Variants in SEMA3C observed in about 807,000 individuals in gnomAD.
SEMA3C encodes semaphorin-3C.
A neutral mutation model predicts 89.4 loss-of-function variants in SEMA3C; 47 were observed. That is an observed-to-expected ratio of 0.53 (90% CI 0.42 to 0.67). The LOEUF (loss-of-function observed/expected upper bound fraction) is 0.67. Among genes scored for constraint, SEMA3C ranks in the 30% least tolerant of loss-of-function variants. The pLI, the probability that SEMA3C is intolerant of heterozygous loss-of-function variation, is 0.00. For missense variants in SEMA3C, 839 were observed against 929.1 expected (o/e 0.90, Z 1.26); for synonymous variants, 310 against 320.2 (o/e 0.97, Z 0.34).
intron 17 of SEMA3C, 39 bp downstream of exon 17, chr7:80,748,859 T>C (rs2886793): frequency 0.99 from 1,559,148 of 1,575,270 alleles, 772,989 homozygotes; most frequent in East Asian, 1. Context: ...ATGTTCTCTC[T>C]GAAGCCCTGA....
chr7:80,754,672 A>G (rs886880393), intron 15 of SEMA3C, among the ~76,000 whole-genome samples: 2 of 152,192 alleles, frequency 1.3e-5, no homozygotes, highest in Admixed American at 6.5e-5. Flanking sequence ...CTAGTCAAAG[A>G]TAAATACGGG....
At chr7:80,760,576 T>G (rs1583851462) in intron 14 of SEMA3C, among the ~76,000 whole-genome samples, 1 of 152,072 alleles carries the variant, frequency 6.6e-6, no homozygotes, top group Admixed American at 6.5e-5. Flanking sequence ...GTCAAAAGAG[T>G]GTAAGACTGA....
intron 2 of SEMA3C, among the ~76,000 whole-genome samples, chr7:80,840,904 CTT>C (rs1301610479): frequency 6.6e-6 from 1 of 152,122 alleles, no homozygotes; most frequent in Non-Finnish European, 1.5e-5. Context: ...ATCATGTAAA[CTT>C]TGACCTGAAG....
chr7:80,827,981 C>G (rs1789916018), intron 3 of SEMA3C, among the ~76,000 whole-genome samples: 2 of 145,424 alleles, frequency 1.4e-5, no homozygotes, highest in Admixed American at 1.4e-4. Flanking sequence ...CTCTGAAATA[C>G]TGTGCTAGTA....
chr7:80,756,676 TTTC>T (rs1303627777), intron 15 of SEMA3C, among the ~76,000 whole-genome samples: 1 of 152,194 alleles, frequency 6.6e-6, no homozygotes, highest in Non-Finnish European at 1.5e-5. Flanking sequence ...TTTAGGGCTG[TTTC>T]TTGAGCAATC....
chr7:80,785,513 C>T (rs915135449), intron 12 of SEMA3C, among the ~76,000 whole-genome samples: 2 of 152,130 alleles, frequency 1.3e-5, no homozygotes, highest in Non-Finnish European at 2.9e-5. Flanking sequence ...TTTCTCCTTC[C>T]CAAGACAGTT....
intron 2 of SEMA3C, among the ~76,000 whole-genome samples, chr7:80,876,218 ATTC>A (rs1027723022): frequency 3.3e-5 from 5 of 152,188 alleles, no homozygotes; most frequent in Non-Finnish European, 5.9e-5. Flanking sequence ...AATTTTAGAT[ATTC>A]TTATATTATC....
chr7:80,892,362 ATTTC>A (rs1233706746), intron 2 of SEMA3C, among the ~76,000 whole-genome samples: 12 of 152,098 alleles, frequency 7.9e-5, no homozygotes, highest in African/African-American at 2.7e-4. Context: ...GTCAGTAGGA[ATTTC>A]TTTGTTTTTT....
chr7:80,778,059 T>C (rs1788591756), intron 12 of SEMA3C, among the ~76,000 whole-genome samples: 1 of 152,128 alleles, frequency 6.6e-6, no homozygotes, highest in African/African-American at 2.4e-5. Context: ...ATTTTCTCTG[T>C]GAGGGTTAAA....
intron 2 of SEMA3C, among the ~76,000 whole-genome samples, chr7:80,879,070 C>A (rs972030382): frequency 1.3e-5 from 2 of 151,882 alleles, no homozygotes; most frequent in African/African-American, 4.8e-5. Context: ...TGGTGAAGAA[C>A]CCCAATTGTA....
At position 80,761,656 on chromosome 7, in the gene SEMA3C, T is replaced by C. The variant is rs755166857; in HGVS notation, c.1445A>G (p.Asn482Ser). The stretch of plus-strand genomic sequence containing the variant: ...TTTCATTGTTGTTATAGGAGCATGA[T>C]TCTAAAATATTAGAAAACAACATGT... Reference protein sequence around the residue: ...LILEELEVFKNHAPITTMKIS... With the variant: ...LILEELEVFKSHAPITTMKIS... The change falls in exon 14 of 18, where the codon AAT becomes AGT. Residue 482 changes from asparagine to serine, a missense_variant and splice_region_variant. Transcript: ENST00000265361. The C allele has an allele frequency of 2.3e-6, 3 of 1,331,108 alleles. No individual in the cohort carries two copies. The highest frequency in any genetic ancestry group is 3.1e-6 in the Non-Finnish European group (3 of 968,730). 82.5% of individuals were successfully genotyped at this position (1,331,108 alleles called of 1,614,324 possible). A position where few individuals can be genotyped will look rare whatever the true frequency, so the allele number is the denominator to read the frequency against.
rs375867861 is a variant in SEMA3C, at chr7:80,818,592, GA to G, written c.328-175del. 2.6e-3 allele frequency among the ~76,000 whole-genome samples: 390 copies of G among 152,062 alleles called. 1 individual carries two copies. Among genetic ancestry groups the G allele is most frequent in the African/African-American group, 8.9e-3 (368 of 41,492 alleles). On this transcript the variant is annotated intron_variant, in intron 4 of 17. Transcript: ENST00000265361. ...GCTTCCCTAGGCCACACTGGAAGAA[GA>G]ATTGTCTTGGGCCACACATAAAATA...
intron 5 of SEMA3C, among the ~76,000 whole-genome samples, chr7:80,814,091 C>CTTTTTTTT (rs543351408): frequency 3.2e-5 from 4 of 126,258 alleles, no homozygotes; most frequent in Non-Finnish European, 5.0e-5. Flanking sequence ...TTTCTTTTTT[C>CTTTTTTTT]TTTTTTTTTT....
intron 11 of SEMA3C, among the ~76,000 whole-genome samples, chr7:80,791,885 T>G (rs1249772970): frequency 1.3e-5 from 2 of 152,202 alleles, no homozygotes; most frequent in African/African-American, 4.8e-5. Flanking sequence ...TTACTAATAT[T>G]ATCTCACTCA....
At chr7:80,754,639 T>C (rs1458536694) in intron 15 of SEMA3C, among the ~76,000 whole-genome samples, 1 of 152,214 alleles carries the variant, frequency 6.6e-6, no homozygotes, top group Non-Finnish European at 1.5e-5. Context: ...ACCGTAGATA[T>C]TTTTAGTGAA....
At chr7:80,868,409 A>G (rs938059440) in intron 2 of SEMA3C, among the ~76,000 whole-genome samples, 6 of 152,074 alleles carry the variant, frequency 3.9e-5, no homozygotes, top group African/African-American at 1.2e-4. Flanking sequence ...CTGGGACTGT[A>G]GACATGAGCC....
chr7:80,748,986 T>C lies in SEMA3C; in HGVS notation c.1754A>G (p.Asn585Ser). 6.2e-7 allele frequency: 1 copy of C among 1,613,308 alleles called. No homozygotes were observed. Among genetic ancestry groups the C allele is most frequent in the African/African-American group, 1.3e-5 (1 of 74,980 alleles). Residue 585 changes from asparagine (N) to serine (S), a missense_variant, in exon 17 of 18, where the codon AAT becomes AGT. Transcript: ENST00000265361. Reference protein sequence around the residue: ...AAEIVQYGVKNNTTFLECAPK... With the variant: ...AAEIVQYGVKSNTTFLECAPK... ...GGCACACTCCAGAAAAGTGGTGTTA[T>C]TTTTTACTCCATACTGGACAATTTC...
rs1278385647 is a variant in SEMA3C, at chr7:80,800,976, T to C, written c.917-150A>G. The stretch of plus-strand genomic sequence containing the variant: ...ATGGTAATTTGGAAACAAATAATGA[T>C]AGAAACACTAAATTAAATTAAATTA... On this transcript the variant is annotated intron_variant, in intron 9 of 17. Transcript: ENST00000265361. 6 of 463,728 alleles carry C rather than the reference T, an allele frequency of 1.3e-5. No individual in the cohort carries two copies. The Admixed American group carries it at 1.6e-4, about 12-fold the overall frequency. 28.7% of individuals were successfully genotyped at this position (463,728 alleles called of 1,614,324 possible). A position where few individuals can be genotyped will look rare whatever the true frequency, so the allele number is the denominator to read the frequency against.
At position 80,743,939 on chromosome 7, in the gene SEMA3C, A is replaced by T. The variant is rs1787738820; in HGVS notation, c.*955T>A. On this transcript the variant is annotated 3_prime_UTR_variant, in exon 18 of 18. Transcript: ENST00000265361. ...AGTACTGAAGTTGAAAACTAGCCAT[A>T]TTTGTTATAAATTCCTCTTAAAAAA... 1 of 152,026 alleles carries T rather than the reference A, an allele frequency of 6.6e-6. No homozygotes were observed. Among genetic ancestry groups the T allele is most frequent in the African/African-American group, 2.4e-5 (1 of 41,444 alleles). 9.4% of individuals were successfully genotyped at this position (152,026 alleles called of 1,614,324 possible). A position where few individuals can be genotyped will look rare whatever the true frequency, so the allele number is the denominator to read the frequency against.
Sources: gnomAD v4.1 joint callset for allele counts (sites outside exome capture counted in the v4.1 genomes callset) on GRCh38, gnomAD v4.1.1 for gene constraint, MANE v1.5 for transcripts, NCBI Gene and HGNC (gene_info 2026-07-23, HGNC 2026-07-21) for gene names.